The following FKTN variants were observed in gnomAD, a reference collection of about 807,000 sequenced individuals.
FKTN encodes fukutin.
In FKTN, 47 loss-of-function variants were observed where a neutral mutation model predicts 58.6. The observed-to-expected ratio is 0.80, with a 90% CI of 0.63 to 1.02. The LOEUF (loss-of-function observed/expected upper bound fraction) is 1.02, where lower values mean the gene tolerates loss of function less well. FKTN is among the 50% of genes least tolerant of loss of function. The probability of loss-of-function intolerance (pLI) is 0.00; values close to 1 mark genes in which losing one functional copy is unlikely to be tolerated. For synonymous variants in FKTN, 178 were observed against 191.9 expected (o/e 0.93, Z 0.60); for missense variants, 516 against 537.3 (o/e 0.96, Z 0.39).
intron 1 of FKTN, among the ~76,000 whole-genome samples, chr9:105,559,781 AT>A (rs1314309020): frequency 2.4e-4 from 37 of 152,326 alleles, no homozygotes; most frequent in African/African-American, 8.9e-4. Flanking sequence ...ATGGACTGTA[AT>A]TTAAATAGTG....
At chr9:105,566,479 T>A (rs537086297) in intron 1 of FKTN, among the ~76,000 whole-genome samples, 8 of 152,168 alleles carry the variant, frequency 5.3e-5, no homozygotes, top group African/African-American at 1.9e-4. Flanking sequence ...TCACCACCGA[T>A]CCCACCGAAA....
At chr9:105,579,228 T>A (rs1842379842) in intron 3 of FKTN, among the ~76,000 whole-genome samples, 1 of 152,218 alleles carries the variant, frequency 6.6e-6, no homozygotes, top group South Asian at 2.1e-4. Context: ...TGTTTGCTCT[T>A]GCTTCTCTAG....
At chr9:105,596,809 A>G in intron 4 of FKTN, 152 bp downstream of exon 4, 1 of 683,174 alleles carries the variant, frequency 1.5e-6, no homozygotes, top group Non-Finnish European at 2.7e-6. Context: ...CAGGCCCTTT[A>G]CCAAGTGCTT....
At chr9:105,631,283 T>C (rs1833406325) in intron 10 of FKTN, among the ~76,000 whole-genome samples, 1 of 152,210 alleles carries the variant, frequency 6.6e-6, no homozygotes, top group African/African-American at 2.4e-5. Context: ...GCCCTGCTTC[T>C]ATTAAACAAT....
rs1364205651 is a variant in FKTN at position 105,637,792 on chromosome 9, A to C, written c.*2528A>C. The C allele has an allele frequency of 2.0e-6, 2 of 985,084 alleles. No individual in the cohort carries two copies. Among genetic ancestry groups the C allele is most frequent in the Non-Finnish European group, 1.2e-6 (1 of 829,754 alleles). The allele number at this position is 985,084 out of a possible 1,614,324, so 61.0% of individuals were successfully genotyped here. A position where few individuals can be genotyped will look rare whatever the true frequency, so the allele number is the denominator to read the frequency against. On this transcript the variant is annotated 3_prime_UTR_variant, in exon 11 of 11. Transcript: ENST00000357998. ...TAATTGATAACCAGGACAACCAGGT[A>C]GTCACCCAGTCCTCTCTAAGCAGGG...
intron 10 of FKTN, among the ~76,000 whole-genome samples, chr9:105,629,051 C>T (rs1833086134): frequency 6.6e-6 from 1 of 152,136 alleles, no homozygotes; most frequent in African/African-American, 2.4e-5. Context: ...TTTCATTATA[C>T]TTAACTTATA....
intron 5 of FKTN, 51 bp from the exon 6 acceptor site, chr9:105,604,164 A>G: frequency 6.3e-7 from 1 of 1,592,058 alleles, no homozygotes; most frequent in Non-Finnish European, 8.6e-7. Context: ...GGCTTTAAAT[A>G]TTCAATGTTT....
chr9:105,586,271 G>T (rs1365414579), intron 3 of FKTN, among the ~76,000 whole-genome samples: 9 of 152,108 alleles, frequency 5.9e-5, no homozygotes, highest in Non-Finnish European at 1.5e-5. Flanking sequence ...TTCATAGACG[G>T]GTAGAATTGA....
At chr9:105,589,151 A>G (rs1587992280) in intron 3 of FKTN, among the ~76,000 whole-genome samples, 1 of 152,198 alleles carries the variant, frequency 6.6e-6, no homozygotes, top group East Asian at 1.9e-4. Flanking sequence ...ATCTGTTTAC[A>G]AAGCTATTTA....
chr9:105,611,312 G>C (rs1829872761), intron 7 of FKTN, among the ~76,000 whole-genome samples: 1 of 152,114 alleles, frequency 6.6e-6, no homozygotes, highest in African/African-American at 2.4e-5. Flanking sequence ...TAGTAATCCT[G>C]AGATTTGTAC....
intron 4 of FKTN, among the ~76,000 whole-genome samples, chr9:105,599,107 G>A (rs970541154): frequency 8.5e-5 from 13 of 152,098 alleles, no homozygotes; most frequent in Non-Finnish European, 1.0e-4. Context: ...ACTCCCACAC[G>A]ACTCAGTAAT....
intron 10 of FKTN, among the ~76,000 whole-genome samples, chr9:105,628,710 A>C (rs961332868): frequency 2.0e-5 from 3 of 152,222 alleles, no homozygotes; most frequent in African/African-American, 4.8e-5. Context: ...GATATATTCA[A>C]ACAATGGACT....
intron 10 of FKTN, among the ~76,000 whole-genome samples, chr9:105,634,066 T>G (rs1259689668): frequency 6.6e-6 from 1 of 152,298 alleles, no homozygotes; most frequent in East Asian, 1.9e-4. Context: ...TCTTTTCTAG[T>G]ATACATAATT....
intron 3 of FKTN, among the ~76,000 whole-genome samples, chr9:105,592,024 T>C (rs936881075): frequency 1.3e-5 from 2 of 152,244 alleles, no homozygotes; most frequent in Non-Finnish European, 2.9e-5. Flanking sequence ...TGGCAGGCAC[T>C]GGGCGTAGCC....
At chr9:105,620,084 T>C (rs1831575510) in intron 10 of FKTN, 23 bp downstream of exon 10, 4 of 1,589,180 alleles carry the variant, frequency 2.5e-6, no homozygotes, top group East Asian at 4.5e-5. Flanking sequence ...TAAGTACTTA[T>C]TTATAAAGGT....
intron 7 of FKTN, 80 bp downstream of exon 7, chr9:105,608,031 A>G: frequency 1.7e-6 from 2 of 1,179,672 alleles, no homozygotes; most frequent in South Asian, 1.2e-5. Flanking sequence ...GGTAAGATGA[A>G]GGGGCTTATG....
chr9:105,580,410 T>G (rs1197126060), intron 3 of FKTN, among the ~76,000 whole-genome samples: 1 of 147,262 alleles, frequency 6.8e-6, no homozygotes, highest in African/African-American at 2.5e-5. Context: ...GTATTTAATT[T>G]CTCCTTCACT....
At chr9:105,563,614 C>T (rs112396583) in intron 1 of FKTN, among the ~76,000 whole-genome samples, 2,814 of 152,050 alleles carry the variant, frequency 0.019, 83 homozygotes, top group African/African-American at 0.064. Context: ...GGGGGGCACC[C>T]GCCATTGCTG....
At chr9:105,599,151 G>A (rs1035827519) in intron 4 of FKTN, among the ~76,000 whole-genome samples, 1 of 152,120 alleles carries the variant, frequency 6.6e-6, no homozygotes, top group Non-Finnish European at 1.5e-5. Context: ...TCAAGTTGAG[G>A]ATGTATTTTA....
Sources: gnomAD v4.1 joint callset for allele counts (sites outside exome capture counted in the v4.1 genomes callset) on GRCh38, gnomAD v4.1.1 for gene constraint, MANE v1.5 for transcripts, NCBI Gene and HGNC (gene_info 2026-07-23, HGNC 2026-07-21) for gene names.